The following CTNND2 variants were observed in gnomAD, a reference collection of about 807,000 sequenced individuals.
CTNND2 encodes catenin delta-2.
A neutral mutation model predicts 144.4 loss-of-function variants in CTNND2; 22 were observed. The ratio of observed to expected loss-of-function variants is 0.15; its 90% CI spans 0.11 to 0.22. The LOEUF is 0.22. CTNND2 is among the 10% of genes least tolerant of loss of function. The pLI, the probability that CTNND2 is intolerant of heterozygous loss-of-function variation, is 1.00. For missense variants in CTNND2, 1,353 were observed against 1,618.8 expected (o/e 0.84, Z 2.82); for synonymous variants, 751 against 695.6 (o/e 1.08, Z -1.25).
chr5:11,570,493 T>G (rs900383514), intron 2 of CTNND2, among the ~76,000 whole-genome samples: 1 of 152,338 alleles, frequency 6.6e-6, no homozygotes, highest in South Asian at 2.1e-4. Context: ...ACTTAGTGAA[T>G]AATAGGACTT....
intron 2 of CTNND2, among the ~76,000 whole-genome samples, chr5:11,572,426 G>C (rs1293477003): frequency 1.3e-5 from 2 of 152,288 alleles, no homozygotes; most frequent in Admixed American, 6.5e-5. Context: ...ATAATACAGA[G>C]AGAAGTCCTT....
chr5:11,773,701 T>A (rs1790077857), intron 1 of CTNND2, among the ~76,000 whole-genome samples: 1 of 151,368 alleles, frequency 6.6e-6, no homozygotes, highest in Non-Finnish European at 1.5e-5. Flanking sequence ...TCCCAGCTAC[T>A]TTGGGTGGCT....
Position 11,274,578 on chromosome 5 carries a change from CGT to C in CTNND2, c.1629-37757_1629-37756del, listed in dbSNP as rs1491109371. On this transcript the variant is annotated intron_variant, in intron 9 of 21. Transcript: ENST00000304623. ...TTTCACAGAAAGTTGATTTTGCTTT[CGT>C]TTTTTTTTTTTTTAAAAAGGCAACA... 4.7e-3 allele frequency among the ~76,000 whole-genome samples: 676 copies of C among 142,474 alleles called. 1 individual carries two copies. The highest frequency in any genetic ancestry group is 0.017 in the African/African-American group (644 of 38,344). 93.5% of individuals were successfully genotyped at this position (142,474 alleles called of 152,430 possible). A position where few individuals can be genotyped will look rare whatever the true frequency, so the allele number is the denominator to read the frequency against.
At chr5:11,797,098 T>G (rs754755472) in intron 1 of CTNND2, among the ~76,000 whole-genome samples, 2 of 152,228 alleles carry the variant, frequency 1.3e-5, no homozygotes, top group South Asian at 2.1e-4. Context: ...CAAAATTAAC[T>G]GAGGAAAAAG....
intron 1 of CTNND2, among the ~76,000 whole-genome samples, chr5:11,778,976 C>A (rs971146853): frequency 2.0e-5 from 3 of 152,176 alleles, no homozygotes; most frequent in Admixed American, 1.3e-4. Flanking sequence ...AGCAGAAACA[C>A]TGGCAAATAT....
intron 2 of CTNND2, among the ~76,000 whole-genome samples, chr5:11,640,739 T>G (rs1399181282): frequency 6.6e-6 from 1 of 152,170 alleles, no homozygotes; most frequent in East Asian, 1.9e-4. Flanking sequence ...ATCACTCTGT[T>G]AGCAGTCACC....
intron 2 of CTNND2, among the ~76,000 whole-genome samples, chr5:11,596,588 T>C (rs78039027): frequency 0.038 from 5,775 of 152,282 alleles, 174 homozygotes; most frequent in East Asian, 0.13. Flanking sequence ...TTTCAATACA[T>C]CAAAGCGTAA....
intron 17 of CTNND2, among the ~76,000 whole-genome samples, chr5:11,021,406 T>A (rs940288279): frequency 3.3e-5 from 5 of 152,196 alleles, no homozygotes; most frequent in Non-Finnish European, 5.9e-5. Flanking sequence ...AAGATCTTAA[T>A]GCTCAAAACA....
chr5:11,116,262 T>A (rs1333690206), intron 13 of CTNND2, among the ~76,000 whole-genome samples: 2 of 152,132 alleles, frequency 1.3e-5, no homozygotes, highest in African/African-American at 2.4e-5. Context: ...CTGCAGGACA[T>A]GTGGCAATGT....
chr5:11,362,648 C>A (rs552033896), intron 8 of CTNND2, among the ~76,000 whole-genome samples: 2 of 152,318 alleles, frequency 1.3e-5, no homozygotes, highest in South Asian at 4.1e-4. Flanking sequence ...GGGTCTTGGA[C>A]ATCTGAATGT....
chr5:11,117,075 TAA>T (rs113341154), intron 13 of CTNND2, among the ~76,000 whole-genome samples: 4 of 131,818 alleles, frequency 3.0e-5, no homozygotes, highest in South Asian at 2.3e-4. Context: ...TCTCAAAAAA[TAA>T]AAAAAAAAAG....
At chr5:11,504,720 TG>T (rs1770855878) in intron 3 of CTNND2, among the ~76,000 whole-genome samples, 1 of 152,184 alleles carries the variant, frequency 6.6e-6, no homozygotes, top group South Asian at 2.1e-4. Context: ...ATACATTTCA[TG>T]GGTTTCCTTG....
At chr5:11,795,737 T>C (rs934127332) in intron 1 of CTNND2, among the ~76,000 whole-genome samples, 4 of 152,220 alleles carry the variant, frequency 2.6e-5, no homozygotes, top group Non-Finnish European at 4.4e-5. Flanking sequence ...ATGTTATTCA[T>C]GTATGAGAAA....
At chr5:11,076,164 T>C (rs1284113778) in intron 16 of CTNND2, among the ~76,000 whole-genome samples, 1 of 152,172 alleles carries the variant, frequency 6.6e-6, no homozygotes, top group African/African-American at 2.4e-5. Context: ...AATGGAAATC[T>C]AAAACAAGTG....
At chr5:11,463,298 GCA>G (rs1387441999) in intron 3 of CTNND2, among the ~76,000 whole-genome samples, 3 of 152,086 alleles carry the variant, frequency 2.0e-5, no homozygotes, top group Non-Finnish European at 2.9e-5. Flanking sequence ...CTCTTAAATT[GCA>G]CAGTTATATA....
At chr5:11,508,660 C>A (rs1002472771) in intron 3 of CTNND2, among the ~76,000 whole-genome samples, 6 of 152,076 alleles carry the variant, frequency 3.9e-5, no homozygotes, top group Non-Finnish European at 8.8e-5. Flanking sequence ...ACCTGTAATC[C>A]CAGCACTACG....
At chr5:11,240,992 CAA>C (rs1742365067) in intron 9 of CTNND2, among the ~76,000 whole-genome samples, 1 of 146,994 alleles carries the variant, frequency 6.8e-6, no homozygotes, top group Non-Finnish European at 1.5e-5. Context: ...CACACACACC[CAA>C]CACACACACC....
chr5:11,272,039 A>G (rs1381309667), intron 9 of CTNND2, among the ~76,000 whole-genome samples: 1 of 152,210 alleles, frequency 6.6e-6, no homozygotes, highest in Non-Finnish European at 1.5e-5. Flanking sequence ...AAAATGTTAT[A>G]AAAATATTTC....
chr5:11,867,262 C>T lies in CTNND2; in HGVS notation c.37+36555G>A, dbSNP rs988177156. Among the ~76,000 whole-genome samples, 5 of 152,240 alleles carry T rather than the reference C, an allele frequency of 3.3e-5. No individual in the cohort carries two copies. The East Asian group carries it at 9.7e-4, about 29-fold the overall frequency. Reference sequence around the variant, plus strand: ...TGTTAATTCTAGCCAGGAAAATTGCCCTTTGCTCAGACTTTGCACTGATTT... The same window carrying T: ...TGTTAATTCTAGCCAGGAAAATTGCTCTTTGCTCAGACTTTGCACTGATTT... On this transcript the variant is annotated intron_variant, in intron 1 of 21. Coordinates refer to ENST00000304623, the MANE Select transcript of CTNND2 (RefSeq NM_001332.4).
Sources: gnomAD v4.1 joint callset for allele counts (sites outside exome capture counted in the v4.1 genomes callset) on GRCh38, gnomAD v4.1.1 for gene constraint, MANE v1.5 for transcripts, NCBI Gene and HGNC (gene_info 2026-07-23, HGNC 2026-07-21) for gene names.